IGF1: variants seen among roughly 807,000 people sequenced by gnomAD.
IGF1 encodes insulin like growth factor 1, also known as insulin-like growth factor 1.
Under a neutral mutation model 13.8 loss-of-function variants are expected in IGF1, and 4 were observed. The observed-to-expected ratio is 0.29, with a 90% confidence interval of 0.14 to 0.66. The LOEUF (loss-of-function observed/expected upper bound fraction) is 0.66. IGF1 is among the 30% of genes least tolerant of loss of function. The pLI is 0.78. For missense variants in IGF1, 124 were observed against 188.5 expected, an observed-to-expected ratio of 0.66 and a Z score of 2.00; for synonymous variants, 76 against 72.6, an observed-to-expected ratio of 1.05 and a Z score of -0.23.
In IGF1 at chr12:102,402,219, G is replaced by A. The variant is rs1425098669; in HGVS notation, c.*288C>T. 1.6e-5 allele frequency: 3 copies of A among 193,272 alleles called. No individual in the cohort carries two copies. The highest frequency in any genetic ancestry group is 2.4e-5 in the African/African-American group (1 of 41,940). The allele number at this position is 193,272 out of a possible 1,614,324, so 12.0% of individuals were successfully genotyped here. ...ATGCATTTGTGGCTCTTGAGAGGCAGGGACTAAGATATATATATATATATA... is the reference window on the plus strand; with the variant it reads ...ATGCATTTGTGGCTCTTGAGAGGCAAGGACTAAGATATATATATATATATA... On this transcript the variant is annotated 3_prime_UTR_variant, in exon 4 of 4. Transcript: ENST00000337514.
chr12:102,464,990 T>G (rs986767488), intron 2 of IGF1, among the ~76,000 whole-genome samples: 2 of 152,148 alleles, frequency 1.3e-5, no homozygotes, highest in African/African-American at 4.8e-5. Context: ...CTCAGTGTGG[T>G]AAAATGATAG....
At chr12:102,474,108 A>G (rs1476537918) in intron 2 of IGF1, among the ~76,000 whole-genome samples, 2 of 152,224 alleles carry the variant, frequency 1.3e-5, no homozygotes, top group East Asian at 3.9e-4. Flanking sequence ...TCTTTAAAAA[A>G]TGAGGATCAG....
At position 102,400,695 on chromosome 12, in the gene IGF1, G is replaced by A. The variant is rs763067960; in HGVS notation, c.*1812C>T. On this transcript the variant is annotated 3_prime_UTR_variant, in exon 4 of 4. Transcript: ENST00000337514. ...ATTGCCTAGAAAAGAAGGAATCATT[G>A]TGTTTTTCAAAATGAATAGAATATT... The A allele has an allele frequency of 1.3e-5, 2 of 151,974 alleles. No individual in the cohort carries two copies. The highest frequency in any genetic ancestry group is 6.6e-5 in the Admixed American group (1 of 15,252). 9.4% of individuals were successfully genotyped at this position (151,974 alleles called of 1,614,324 possible).
rs1403162601 is a variant in IGF1 at position 102,399,728 on chromosome 12, T to A, written c.*2779A>T. ...GGGGATTTTTGACTGTGGATAGAAT[T>A]AAGTGAAGGAAATAAGTCATAGACA... On this transcript the variant is annotated 3_prime_UTR_variant, in exon 4 of 4. Coordinates refer to ENST00000337514, the MANE Select transcript of IGF1 (RefSeq NM_000618.5). The A allele has an allele frequency of 6.6e-6, 1 of 152,162 alleles. No homozygotes were observed. The highest frequency in any genetic ancestry group is 1.9e-4 in the East Asian group (1 of 5,204). 9.4% of individuals were successfully genotyped at this position (152,162 alleles called of 1,614,324 possible). A position where few individuals can be genotyped will look rare whatever the true frequency, so the allele number is the denominator to read the frequency against.
Position 102,452,038 on chromosome 12 carries a change from G to A in IGF1, c.220+23605C>T, listed in dbSNP as rs929181484. 3.9e-5 allele frequency among the ~76,000 whole-genome samples: 6 copies of A among 151,972 alleles called. No homozygotes were observed. The South Asian group carries it at 1.0e-3, about 26-fold the overall frequency. ...AGCACTTTGGGAGGCCGAGGCGGGC[G>A]GATCACGAGGTTAGAAGATCAAGAC... is the stretch of plus-strand genomic sequence containing the variant. On this transcript the variant is annotated intron_variant, in intron 2 of 3. Coordinates refer to ENST00000337514, the MANE Select transcript of IGF1 (RefSeq NM_000618.5).
intron 2 of IGF1, among the ~76,000 whole-genome samples, chr12:102,474,049 GA>G (rs1214410442): frequency 6.0e-5 from 9 of 150,374 alleles, no homozygotes; most frequent in African/African-American, 9.8e-5. Flanking sequence ...GATTATCAAG[GA>G]AAAAAAAAGT....
intron 2 of IGF1, among the ~76,000 whole-genome samples, chr12:102,426,615 A>G (rs1876229507): frequency 6.6e-6 from 1 of 152,228 alleles, no homozygotes; most frequent in Non-Finnish European, 1.5e-5. Flanking sequence ...ATGAGAATGA[A>G]TCTTTCAATC....
In IGF1 at chr12:102,475,897, T is replaced by C. The variant is rs574628837; in HGVS notation, c.64-98A>G. On this transcript the variant is annotated intron_variant, in intron 1 of 3. Transcript: ENST00000337514. ...GCATTGACTCCCACGATTCCACGAC[T>C]GTCATTAATCAGGACTACCCAGCAC... The C allele has an allele frequency of 2.4e-6, 3 of 1,273,010 alleles. No individual in the cohort carries two copies. In the East Asian group the frequency reaches 7.6e-5, roughly 32 times the overall value. The allele number at this position is 1,273,010 out of a possible 1,614,324, so 78.9% of individuals were successfully genotyped here.
intron 2 of IGF1, among the ~76,000 whole-genome samples, chr12:102,425,192 C>T (rs1289643580): frequency 6.6e-6 from 1 of 152,174 alleles, no homozygotes; most frequent in Non-Finnish European, 1.5e-5. Context: ...TACATTTCTG[C>T]TTTTCTGTGG....
At chr12:102,412,915 A>T (rs1007012377) in intron 3 of IGF1, among the ~76,000 whole-genome samples, 1 of 152,228 alleles carries the variant, frequency 6.6e-6, no homozygotes, top group East Asian at 1.9e-4. Flanking sequence ...AAGGAGTCCC[A>T]TTAAAAAAGG....
chr12:102,409,471 G>A (rs1874448130), intron 3 of IGF1, among the ~76,000 whole-genome samples: 2 of 152,182 alleles, frequency 1.3e-5, no homozygotes, highest in Admixed American at 1.3e-4. Context: ...ATTTCCTGCA[G>A]GAATGATGGA....
intron 2 of IGF1, among the ~76,000 whole-genome samples, chr12:102,423,529 C>G (rs1875931727): frequency 1.3e-5 from 2 of 152,120 alleles, no homozygotes; most frequent in Non-Finnish European, 2.9e-5. Flanking sequence ...GACAAGTTGG[C>G]CACCACCTAT....
intron 2 of IGF1, among the ~76,000 whole-genome samples, chr12:102,435,774 A>C (rs1453578845): frequency 6.6e-6 from 1 of 152,180 alleles, no homozygotes; most frequent in Admixed American, 6.5e-5. Context: ...GTGGTTTTCA[A>C]ACTTGAGCCT....
At chr12:102,437,894 C>A (rs550108722) in intron 2 of IGF1, among the ~76,000 whole-genome samples, 28 of 152,136 alleles carry the variant, frequency 1.8e-4, no homozygotes, top group Non-Finnish European at 3.8e-4. Context: ...TAATTATTTA[C>A]AATTATTATG....
chr12:102,433,943 T>A (rs1314687280), intron 2 of IGF1, among the ~76,000 whole-genome samples: 1 of 152,136 alleles, frequency 6.6e-6, no homozygotes, highest in Non-Finnish European at 1.5e-5. Flanking sequence ...CAGAATGTCA[T>A]CTCACCCCAC....
intron 2 of IGF1, among the ~76,000 whole-genome samples, chr12:102,422,401 T>A (rs1173349437): frequency 6.6e-6 from 1 of 152,162 alleles, no homozygotes; most frequent in African/African-American, 2.4e-5. Flanking sequence ...ATATAACAAG[T>A]GTTTACCTAT....
rs76115108 is a variant in IGF1, at chr12:102,427,688, C to T, written c.221-7998G>A. On this transcript the variant is annotated intron_variant, in intron 2 of 3. Transcript: ENST00000337514. The stretch of plus-strand genomic sequence containing the variant: ...TGGAGGGAGAGTGTTGGGAGGTGGA[C>T]GCTCCTTAAAGAGAGGCATCCGGGC... Among the ~76,000 whole-genome samples the T allele has an allele frequency of 2.3e-3, 346 of 152,116 alleles. 1 individual carries two copies. Among genetic ancestry groups the T allele is most frequent in the African/African-American group, 7.9e-3 (328 of 41,516 alleles).
chr12:102,464,124 A>G (rs1204812093), intron 2 of IGF1, among the ~76,000 whole-genome samples: 2 of 152,130 alleles, frequency 1.3e-5, no homozygotes, highest in East Asian at 1.9e-4. Flanking sequence ...AATAACTCAC[A>G]TAGAAGTAGA....
chr12:102,479,343 A>G (rs573172839), intron 1 of IGF1, among the ~76,000 whole-genome samples: 2 of 152,334 alleles, frequency 1.3e-5, no homozygotes, highest in South Asian at 2.1e-4. Context: ...CGTCTTATGA[A>G]TTGAGCCCTC....
Sources: allele counts gnomAD v4.1 joint callset (sites outside exome capture counted in the v4.1 genomes callset), GRCh38; gene constraint gnomAD v4.1.1; transcripts MANE v1.5; gene names NCBI Gene and HGNC (gene_info 2026-07-23, HGNC 2026-07-21).